FBXO42: variants seen among roughly 807,000 people sequenced by gnomAD.
FBXO42 encodes the protein F-box only protein 42.
Under a neutral mutation model 71.7 loss-of-function variants are expected in FBXO42, and 12 were observed. The ratio of observed to expected loss-of-function variants is 0.17; its 90% CI spans 0.11 to 0.27. The LOEUF is 0.27. FBXO42 is among the 10% of genes least tolerant of loss of function. The probability of loss-of-function intolerance (pLI) is 1.00; values close to 1 mark genes in which losing one functional copy is unlikely to be tolerated. For missense variants in FBXO42, 707 were observed against 911.9 expected (o/e 0.78, Z 2.89); for synonymous variants, 325 against 327.5 (o/e 0.99, Z 0.08).
intron 1 of FBXO42, among the ~76,000 whole-genome samples, chr1:16,333,110 A>T (rs1208317806): frequency 3.3e-5 from 5 of 152,024 alleles, no homozygotes; most frequent in Non-Finnish European, 7.3e-5. Flanking sequence ...CCTCTTCTTG[A>T]GGTTCTATCC....
At chr1:16,327,933 T>G (rs2082464420) in intron 1 of FBXO42, among the ~76,000 whole-genome samples, 1 of 152,166 alleles carries the variant, frequency 6.6e-6, no homozygotes, top group Non-Finnish European at 1.5e-5. Flanking sequence ...ACTCCTGACC[T>G]CAAGTGATCC....
chr1:16,311,318 A>G (rs181988358), intron 2 of FBXO42, among the ~76,000 whole-genome samples: 5 of 150,098 alleles, frequency 3.3e-5, no homozygotes. Flanking sequence ...CTCTACAAAA[A>G]TAAATAAATA....
chr1:16,350,752 A>G lies in FBXO42; in HGVS notation c.-18+1503T>C, dbSNP rs796545079. On this transcript the variant is annotated intron_variant, in intron 1 of 9. Coordinates refer to ENST00000375592, the MANE Select transcript of FBXO42 (RefSeq NM_018994.3). ...ACAGAGTGAGAAACTGCAAAAAAAA[A>G]AAAAAAAAGAAAGAAAGAAAGAAAG... 1.3e-3 allele frequency among the ~76,000 whole-genome samples: 174 copies of G among 131,582 alleles called. 13 individuals are homozygous for G. The highest frequency in any genetic ancestry group is 2.1e-3 in the Non-Finnish European group (122 of 57,798). 86.3% of individuals were successfully genotyped at this position (131,582 alleles called of 152,430 possible). A position where few individuals can be genotyped will look rare whatever the true frequency, so the allele number is the denominator to read the frequency against.
chr1:16,263,987 T>G (rs190102354), intron 4 of FBXO42, among the ~76,000 whole-genome samples: 6 of 151,966 alleles, frequency 3.9e-5, no homozygotes, highest in Non-Finnish European at 8.8e-5. Flanking sequence ...ATTTTTGTAT[T>G]ATTAGTAGAG....
intron 1 of FBXO42, among the ~76,000 whole-genome samples, chr1:16,340,568 C>G (rs1419582824): frequency 6.6e-6 from 1 of 152,276 alleles, no homozygotes; most frequent in East Asian, 1.9e-4. Flanking sequence ...ATCCACCCAC[C>G]TTGGCCTCCC....
At chr1:16,270,674 C>CAAAAAAAAAAAAAAAAAAAA (rs34861558) in intron 4 of FBXO42, among the ~76,000 whole-genome samples, 1 of 14,906 alleles carries the variant, frequency 6.7e-5, no homozygotes, top group Non-Finnish European at 1.2e-4. Context: ...CTCTGTCTCT[C>CAAAAAAAAAAAAAAAAAAAA]AAAAAAAAAA....
chr1:16,286,929 T>G (rs924331834), intron 4 of FBXO42, among the ~76,000 whole-genome samples: 1 of 152,216 alleles, frequency 6.6e-6, no homozygotes, highest in Admixed American at 6.6e-5. Context: ...AGTTCTTACC[T>G]TTTGTGAATA....
intron 1 of FBXO42, among the ~76,000 whole-genome samples, chr1:16,322,916 TG>T: frequency 6.6e-6 from 1 of 152,312 alleles, no homozygotes; most frequent in East Asian, 1.9e-4. Flanking sequence ...AACATGGGAA[TG>T]AAACTGCTAT....
chr1:16,270,771 CACACACACACACACACACACAT>C (rs1327980956), intron 4 of FBXO42, among the ~76,000 whole-genome samples: 53 of 148,252 alleles, frequency 3.6e-4, no homozygotes, highest in African/African-American at 1.3e-3. Flanking sequence ...CACACACACA[CACACACACACACACACACACAT>C]ATAAAATTCC....
chr1:16,289,103 T>C (rs60904769), intron 4 of FBXO42, among the ~76,000 whole-genome samples: 4,040 of 151,756 alleles, frequency 0.027, 183 homozygotes, highest in African/African-American at 0.09. Context: ...CTCTAAAATG[T>C]AAATTGAGGC....
At chr1:16,331,784 C>T (rs769336456) in intron 1 of FBXO42, among the ~76,000 whole-genome samples, 4 of 152,046 alleles carry the variant, frequency 2.6e-5, no homozygotes, top group Non-Finnish European at 5.9e-5. Flanking sequence ...GGCGCGGTGG[C>T]TCATGCCTGT....
chr1:16,333,866 C>G (rs1442318094), intron 1 of FBXO42, among the ~76,000 whole-genome samples: 1 of 152,162 alleles, frequency 6.6e-6, no homozygotes, highest in Admixed American at 6.6e-5. Flanking sequence ...TTTTAACAGT[C>G]AGCATTTAAA....
chr1:16,345,515 C>G (rs2082647852), intron 1 of FBXO42, among the ~76,000 whole-genome samples: 1 of 151,694 alleles, frequency 6.6e-6, no homozygotes, highest in Non-Finnish European at 1.5e-5. Context: ...AATGAGCATC[C>G]CTAGCACACA....
rs58610558 is a variant in FBXO42 at position 16,270,751 on chromosome 1, T to TACACACACACAC, written c.503-14004_503-13993dup. 1.0e-3 allele frequency among the ~76,000 whole-genome samples: 114 copies of TACACACACACAC among 111,000 alleles called. 1 individual carries two copies. Among genetic ancestry groups the TACACACACACAC allele is most frequent in the African/African-American group, 3.5e-3 (98 of 28,182 alleles). The allele number at this position is 111,000 out of a possible 152,430, so 72.8% of individuals were successfully genotyped here. ...TCCAAATCCCTTACTTACCATGAGATACACACACACACACACACACACACA... is the reference window on the plus strand; with the variant it reads ...TCCAAATCCCTTACTTACCATGAGATACACACACACACACACACACACACACACACACACACA... On this transcript the variant is annotated intron_variant, in intron 4 of 9. Coordinates refer to ENST00000375592, the MANE Select transcript of FBXO42 (RefSeq NM_018994.3).
rs891024875 is a variant in FBXO42, at chr1:16,251,806, G to GCT, written c.1039-23_1039-22dup. ...CCCACCTGGAAGACAAAGGACCAGT[G>GCT]CTCACACTCTTCTATGATTCTGATT... On this transcript the variant is annotated intron_variant, in intron 9 of 9. Transcript: ENST00000375592. The surrounding 1 kb of genome is among the most constrained non-coding windows in gnomAD (Gnocchi z 4.5). 6.3e-7 allele frequency: 1 copy of GCT among 1,597,562 alleles called. No individual in the cohort carries two copies.
intron 4 of FBXO42, among the ~76,000 whole-genome samples, chr1:16,272,154 C>CA (rs999974704): frequency 0.13 from 5,703 of 44,128 alleles, 249 homozygotes; most frequent in Non-Finnish European, 0.18. Flanking sequence ...GACTCCGTCC[C>CA]AAAAAAAAAA....
intron 4 of FBXO42, among the ~76,000 whole-genome samples, chr1:16,270,382 G>A (rs2081826659): frequency 6.6e-6 from 1 of 152,176 alleles, no homozygotes; most frequent in Non-Finnish European, 1.5e-5. Flanking sequence ...GAGTTAGGCA[G>A]CAGTAAATGG....
chr1:16,282,088 A>G (rs914665419), intron 4 of FBXO42, among the ~76,000 whole-genome samples: 9 of 152,156 alleles, frequency 5.9e-5, no homozygotes, highest in African/African-American at 1.9e-4. Context: ...AGTTTAGCAC[A>G]TCACATACTC....
chr1:16,288,623 T>A (rs554449142), intron 4 of FBXO42, among the ~76,000 whole-genome samples: 1 of 152,064 alleles, frequency 6.6e-6, no homozygotes, highest in Middle Eastern at 3.4e-3. Context: ...GAAACATAAG[T>A]CACCCTTGAT....
Sources: gnomAD v4.1 joint callset for allele counts (sites outside exome capture counted in the v4.1 genomes callset) on GRCh38, gnomAD v4.1.1 for gene constraint, Gnocchi (gnomAD v3.1) non-coding constraint, MANE v1.5 for transcripts, NCBI Gene and HGNC (gene_info 2026-07-23, HGNC 2026-07-21) for gene names.